The following SPHKAP variants were observed in gnomAD, a reference collection of about 807,000 sequenced individuals.
SPHKAP encodes A-kinase anchor protein SPHKAP.
SPHKAP carries 67 observed loss-of-function variants against 137.5 expected under a neutral mutation model. The ratio of observed to expected loss-of-function variants is 0.49; its 90% CI spans 0.40 to 0.60. The LOEUF (loss-of-function observed/expected upper bound fraction) is 0.60. SPHKAP is among the 20% of genes least tolerant of loss of function. SPHKAP has a pLI of 0.00. For missense variants in SPHKAP, 2,097 were observed against 2,069.3 expected (o/e 1.01, Z -0.26); for synonymous variants, 813 against 785.3 (o/e 1.04, Z -0.59).
In SPHKAP at chr2:228,102,294, T is replaced by C. The variant is rs561941133; in HGVS notation, c.246+6538A>G. 9.2e-5 allele frequency among the ~76,000 whole-genome samples: 14 copies of C among 152,286 alleles called. No individual in the cohort carries two copies. The South Asian group carries it at 2.7e-3, about 29-fold the overall frequency. ...ATTTGGTTTTTAAATTATGTTTATGTTATTTACTGAAGTACAGACATTTTA... is the reference window on the plus strand; with the variant it reads ...ATTTGGTTTTTAAATTATGTTTATGCTATTTACTGAAGTACAGACATTTTA... On this transcript the variant is annotated intron_variant, in intron 3 of 11. Coordinates refer to ENST00000392056, the MANE Select transcript of SPHKAP (RefSeq NM_001142644.2).
chr2:228,079,289 G>A (rs954722600), intron 3 of SPHKAP, among the ~76,000 whole-genome samples: 3 of 152,182 alleles, frequency 2.0e-5, no homozygotes, highest in African/African-American at 4.8e-5. Flanking sequence ...GAGCTCAGGC[G>A]ATAATGCTTG....
rs1249421197 is a variant in SPHKAP, at chr2:227,993,626, A to G, written c.4635-6T>C. 1 of 1,582,204 alleles carries G rather than the reference A, an allele frequency of 6.3e-7. No individual in the cohort carries two copies. The highest frequency in any genetic ancestry group is 8.6e-7 in the Non-Finnish European group (1 of 1,163,238). On this transcript the variant is annotated splice_region_variant and splice_polypyrimidine_tract_variant and intron_variant, in intron 8 of 11. Transcript: ENST00000392056. Reference sequence around the variant, plus strand: ...TGGCACTACTGTTGCCATTGCTGACAAAGCAAAAGTTTACATATTAATGCC... The same window carrying G: ...TGGCACTACTGTTGCCATTGCTGACGAAGCAAAAGTTTACATATTAATGCC...
intron 3 of SPHKAP, among the ~76,000 whole-genome samples, chr2:228,105,940 C>T (rs1698332112): frequency 6.6e-6 from 1 of 152,154 alleles, no homozygotes; most frequent in Non-Finnish European, 1.5e-5. Flanking sequence ...TTTTGAAAAA[C>T]TACTGAAGAT....
At chr2:228,159,812 T>C (rs1191877549) in intron 1 of SPHKAP, among the ~76,000 whole-genome samples, 1 of 152,178 alleles carries the variant, frequency 6.6e-6, no homozygotes, top group Non-Finnish European at 1.5e-5. Context: ...CACAGAGAAC[T>C]ATGTATTTTG....
intron 3 of SPHKAP, among the ~76,000 whole-genome samples, chr2:228,041,279 T>C (rs181035439): frequency 4.8e-4 from 73 of 152,234 alleles, no homozygotes; most frequent in Admixed American, 3.8e-3. Context: ...AATTTTTTTC[T>C]CGGGGCTAAA....
Position 228,026,580 on chromosome 2 carries a change from C to T in SPHKAP, c.306+904G>A, listed in dbSNP as rs145479614. Among the ~76,000 whole-genome samples, 57 of 150,844 alleles carry T rather than the reference C, an allele frequency of 3.8e-4. 1 individual carries two copies. Among genetic ancestry groups the T allele is most frequent in the Non-Finnish European group, 2.5e-4 (17 of 67,896 alleles). On this transcript the variant is annotated intron_variant, in intron 4 of 11. Coordinates refer to ENST00000392056, the MANE Select transcript of SPHKAP (RefSeq NM_001142644.2). ...TTTCAAATCACTCACGTAAACTCTT[C>T]AAACACACTACTCTTAGATACCAAC...
rs58091970 is a variant in SPHKAP, at chr2:228,055,142, C to CAAAAA, written c.247-27604_247-27600dup. Reference sequence around the variant, plus strand: ...GGGCAAAAAGAGTGAAACTCCACTCCAAAAAAAAAAAAAAAAAGTGGTTTG... The same window carrying CAAAAA: ...GGGCAAAAAGAGTGAAACTCCACTCCAAAAAAAAAAAAAAAAAAAAAAGTGGTTTG... On this transcript the variant is annotated intron_variant, in intron 3 of 11. Coordinates refer to ENST00000392056, the MANE Select transcript of SPHKAP (RefSeq NM_001142644.2). Among the ~76,000 whole-genome samples, 118 of 61,312 alleles carry CAAAAA rather than the reference C, an allele frequency of 1.9e-3. 3 individuals are homozygous for CAAAAA. The highest frequency in any genetic ancestry group is 6.3e-3 in the African/African-American group (112 of 17,650). The allele number at this position is 61,312 out of a possible 152,430, so 40.2% of individuals were successfully genotyped here.
intron 3 of SPHKAP, among the ~76,000 whole-genome samples, chr2:228,043,733 G>A (rs1283153234): frequency 1.3e-5 from 2 of 152,104 alleles, no homozygotes; most frequent in Non-Finnish European, 2.9e-5. Context: ...AAGAAAAAGT[G>A]CCACAGACGT....
At chr2:228,040,793 A>C (rs13421982) in intron 3 of SPHKAP, among the ~76,000 whole-genome samples, 58,047 of 151,978 alleles carry the variant, frequency 0.38, 11,542 homozygotes, top group South Asian at 0.51. Flanking sequence ...TTGCCATAAA[A>C]ATTTAGTGTT....
rs923202988 is a variant in SPHKAP at position 228,127,873 on chromosome 2, A to G, written c.138+4107T>C. 3.9e-5 allele frequency among the ~76,000 whole-genome samples: 6 copies of G among 152,206 alleles called. No homozygotes were observed. The South Asian group carries it at 1.0e-3, about 26-fold the overall frequency. On this transcript the variant is annotated intron_variant, in intron 2 of 11. Coordinates refer to ENST00000392056, the MANE Select transcript of SPHKAP (RefSeq NM_001142644.2). Reference sequence around the variant, plus strand: ...CAATGCATATAAAAGTTATGTCTATATTGTAGTCTATTAAGTGTAAAATAG... The same window carrying G: ...CAATGCATATAAAAGTTATGTCTATGTTGTAGTCTATTAAGTGTAAAATAG...
At chr2:228,060,499 G>A (rs2106285904) in intron 3 of SPHKAP, among the ~76,000 whole-genome samples, 1 of 152,280 alleles carries the variant, frequency 6.6e-6, no homozygotes, top group East Asian at 1.9e-4. Context: ...ATTTTGATGA[G>A]TGAAAGAACC....
At chr2:228,173,491 A>C (rs566633588) in intron 1 of SPHKAP, among the ~76,000 whole-genome samples, 2 of 152,172 alleles carry the variant, frequency 1.3e-5, no homozygotes, top group South Asian at 2.1e-4. Context: ...ATTAAAATTG[A>C]AGGAGGGAGG....
chr2:228,008,926 C>T (rs930763502), intron 7 of SPHKAP, among the ~76,000 whole-genome samples: 3 of 152,110 alleles, frequency 2.0e-5, no homozygotes, highest in African/African-American at 7.2e-5. Flanking sequence ...TAACTTTGTT[C>T]TTCCTCTTCA....
Position 228,137,942 on chromosome 2 carries a change from G to A in SPHKAP, c.33-5857C>T, listed in dbSNP as rs116741457. On this transcript the variant is annotated intron_variant, in intron 1 of 11. Coordinates refer to ENST00000392056, the MANE Select transcript of SPHKAP (RefSeq NM_001142644.2). The stretch of plus-strand genomic sequence containing the variant: ...AAAACTGACTTGTTTTAAACATCAC[G>A]TGAGATGTTAGTGTCTCCTATCTTC... Among the ~76,000 whole-genome samples, 345 of 152,290 alleles carry A rather than the reference G, an allele frequency of 2.3e-3. 1 individual carries two copies. The highest frequency in any genetic ancestry group is 6.8e-3 in the Middle Eastern group (2 of 294).
rs1394113706 is a variant in SPHKAP at position 228,018,923 on chromosome 2, T to G, written c.1931A>C (p.Asn644Thr). The change falls in exon 7 of 12, where the codon AAC becomes ACC. Residue 644 changes from asparagine to threonine, a missense_variant. Transcript: ENST00000392056. ...SSIGDFLDSM[N>T]RRIMETASKS... ...TGAAGCAGTTTCCATGATTCTCCTG[T>G]TCATGGAGTCCAGAAAGTCTCCAAT... The G allele has an allele frequency of 6.2e-7, 1 of 1,614,048 alleles. No homozygotes were observed. The highest frequency in any genetic ancestry group is 1.7e-5 in the Admixed American group (1 of 60,012).
At chr2:228,129,205 G>T (rs1264699820) in intron 2 of SPHKAP, among the ~76,000 whole-genome samples, 1 of 152,156 alleles carries the variant, frequency 6.6e-6, no homozygotes, top group Non-Finnish European at 1.5e-5. Flanking sequence ...AATATTGAGA[G>T]AATTACCAAA....
chr2:228,174,588 C>A (rs762759211), intron 1 of SPHKAP, among the ~76,000 whole-genome samples: 1 of 152,142 alleles, frequency 6.6e-6, no homozygotes, highest in Admixed American at 6.5e-5. Context: ...GGGAATATGA[C>A]GCTGACTTCC....
At chr2:228,133,238 T>G (rs111233451) in intron 1 of SPHKAP, among the ~76,000 whole-genome samples, 1 of 151,360 alleles carries the variant, frequency 6.6e-6, no homozygotes, top group East Asian at 2.0e-4. Context: ...ACCCAGGAGG[T>G]GGAGGTTGCA....
intron 3 of SPHKAP, among the ~76,000 whole-genome samples, chr2:228,063,495 A>G (rs1412797941): frequency 6.6e-6 from 1 of 152,214 alleles, no homozygotes; most frequent in Non-Finnish European, 1.5e-5. Context: ...ACATTTTGCA[A>G]CAATGTAGAA....
Sources: gnomAD v4.1 joint callset for allele counts (sites outside exome capture counted in the v4.1 genomes callset) on GRCh38, gnomAD v4.1.1 for gene constraint, MANE v1.5 for transcripts, NCBI Gene and HGNC (gene_info 2026-07-23, HGNC 2026-07-21) for gene names.